CFAP299: variants seen among roughly 807,000 people sequenced by gnomAD.
CFAP299 encodes the protein cilia- and flagella-associated protein 299.
CFAP299 carries 21 observed loss-of-function variants against 27.0 expected under a neutral mutation model. The ratio of observed to expected loss-of-function variants is 0.78; its 90% confidence interval spans 0.55 to 1.12. CFAP299 has a LOEUF of 1.12. Among genes scored for constraint, CFAP299 ranks in the 50% most tolerant of loss-of-function variants. CFAP299 has a pLI of 0.00. For synonymous variants in CFAP299, 104 were observed against 98.1 expected (o/e 1.06, Z -0.36); for missense variants, 310 against 276.6 (o/e 1.12, Z -0.86).
At position 80,506,009 on chromosome 4, in the gene CFAP299, TATAA is replaced by T. The variant is rs576500165; in HGVS notation, c.243-77080_243-77077del. On this transcript the variant is annotated intron_variant, in intron 2 of 5. Transcript: ENST00000358105. ...ACACACGTGTGTGCGTGTAAATATA[TATAA>T]ATATATATATAAAAATAATAACTGG... 3.0e-4 allele frequency among the ~76,000 whole-genome samples: 44 copies of T among 147,400 alleles called. No individual in the cohort carries two copies. The South Asian group carries it at 9.2e-3, about 31-fold the overall frequency.
Position 80,406,034 on chromosome 4 carries a change from T to C in CFAP299, c.242+43150T>C, listed in dbSNP as rs137970438. 5.8e-3 allele frequency among the ~76,000 whole-genome samples: 887 copies of C among 152,260 alleles called. 10 individuals carry two copies. Among genetic ancestry groups the C allele is most frequent in the African/African-American group, 0.02 (842 of 41,554 alleles). On this transcript the variant is annotated intron_variant, in intron 2 of 5. Transcript: ENST00000358105. ...CTACTCCTCAGGATAGATCATGTCA[T>C]GACTGAATAAAACTCCAAAACAAAA...
intron 2 of CFAP299, among the ~76,000 whole-genome samples, chr4:80,564,571 C>T (rs1446995735): frequency 1.3e-5 from 2 of 151,338 alleles, no homozygotes; most frequent in Non-Finnish European, 3.0e-5. Context: ...CAGTTAGGAT[C>T]ATACTAAATG....
At chr4:80,482,230 A>T (rs761800290) in intron 2 of CFAP299, among the ~76,000 whole-genome samples, 6 of 151,804 alleles carry the variant, frequency 4.0e-5, no homozygotes, top group Non-Finnish European at 7.4e-5. Context: ...CATTAAAATC[A>T]GTACTGGCTA....
intron 2 of CFAP299, among the ~76,000 whole-genome samples, chr4:80,402,482 G>C (rs1192740093): frequency 6.6e-6 from 1 of 152,054 alleles, no homozygotes; most frequent in Non-Finnish European, 1.5e-5. Flanking sequence ...CTCATTTTCT[G>C]TTGCCACCAC....
At chr4:80,612,113 T>C (rs1381985998) in intron 3 of CFAP299, among the ~76,000 whole-genome samples, 1 of 151,976 alleles carries the variant, frequency 6.6e-6, no homozygotes, top group Non-Finnish European at 1.5e-5. Flanking sequence ...CTGCAAAGAA[T>C]CCATACAAAC....
At chr4:80,411,867 A>T (rs1007049526) in intron 2 of CFAP299, among the ~76,000 whole-genome samples, 1 of 152,150 alleles carries the variant, frequency 6.6e-6, no homozygotes, top group African/African-American at 2.4e-5. Flanking sequence ...AGTAATAATA[A>T]ATAGCATTTA....
intron 4 of CFAP299, among the ~76,000 whole-genome samples, chr4:80,878,423 A>T (rs777799947): frequency 4.1e-4 from 63 of 152,202 alleles, no homozygotes; most frequent in Middle Eastern, 3.4e-3. Context: ...GAACTTCTCC[A>T]TTACATATTG....
intron 2 of CFAP299, among the ~76,000 whole-genome samples, chr4:80,556,802 A>C (rs988657197): frequency 3.3e-5 from 5 of 152,020 alleles, no homozygotes; most frequent in African/African-American, 1.2e-4. Context: ...TAGAGAGGAA[A>C]CATATTTTCC....
chr4:80,807,051 C>T (rs1728898651), intron 3 of CFAP299, among the ~76,000 whole-genome samples: 1 of 152,090 alleles, frequency 6.6e-6, no homozygotes, highest in Non-Finnish European at 1.5e-5. Flanking sequence ...TGGTGGTTTA[C>T]AGATATAAAG....
chr4:80,840,831 T>A (rs1730822780), intron 3 of CFAP299, among the ~76,000 whole-genome samples: 1 of 152,114 alleles, frequency 6.6e-6, no homozygotes, highest in South Asian at 2.1e-4. Context: ...CCTTTTAGAT[T>A]TTTAGAAGAA....
At chr4:80,602,852 T>C (rs1023817935) in intron 3 of CFAP299, among the ~76,000 whole-genome samples, 3 of 152,104 alleles carry the variant, frequency 2.0e-5, no homozygotes, top group Non-Finnish European at 4.4e-5. Context: ...AAGGCCCTTC[T>C]CTGCTGGAAC....
chr4:80,387,087 AGG>A (rs1725052275), intron 2 of CFAP299: 2 of 1,443,372 alleles, frequency 1.4e-6, no homozygotes, highest in African/African-American at 2.8e-5. Context: ...GGCGGTCTGC[AGG>A]TGATGCTCCA....
Position 80,381,996 on chromosome 4 carries a change from A to G in CFAP299, c.242+19112A>G, listed in dbSNP as rs183866416. ...AATGTGTATATCTTATGACAAAAAG[A>G]TTTTAAAAGATGGAGAGAAAGAAAA... is the stretch of plus-strand genomic sequence containing the variant. On this transcript the variant is annotated intron_variant, in intron 2 of 5. Transcript: ENST00000358105. Among the ~76,000 whole-genome samples the G allele has an allele frequency of 1.3e-4, 20 of 152,344 alleles. No homozygotes were observed. The East Asian group carries it at 3.9e-3, about 29-fold the overall frequency.
intron 3 of CFAP299, among the ~76,000 whole-genome samples, chr4:80,586,652 C>G (rs1298846371): frequency 6.6e-6 from 1 of 152,074 alleles, no homozygotes; most frequent in Non-Finnish European, 1.5e-5. Flanking sequence ...TTATGTAATT[C>G]TTTCTAGTGA....
intron 3 of CFAP299, among the ~76,000 whole-genome samples, chr4:80,603,674 G>GA (rs1397184159): frequency 2.6e-5 from 4 of 152,102 alleles, no homozygotes; most frequent in Admixed American, 1.3e-4. Context: ...TTTTAATTTA[G>GA]AAAAAATTGA....
At chr4:80,871,087 A>G in intron 4 of CFAP299, 1 of 494,414 alleles carries the variant, frequency 2.0e-6, no homozygotes, top group Non-Finnish European at 2.6e-6. Context: ...TTGTATTTTT[A>G]GTAGAGACAG....
At chr4:80,890,985 C>A (rs553591072) in intron 4 of CFAP299, among the ~76,000 whole-genome samples, 1 of 151,878 alleles carries the variant, frequency 6.6e-6, no homozygotes, top group Non-Finnish European at 1.5e-5. Flanking sequence ...GAGTAGGTTG[C>A]GAAAATTCTC....
At chr4:80,438,478 A>G (rs1221929813) in intron 2 of CFAP299, among the ~76,000 whole-genome samples, 3 of 152,130 alleles carry the variant, frequency 2.0e-5, no homozygotes, top group Non-Finnish European at 4.4e-5. Context: ...TATTTCATCT[A>G]TTTGTGAGGA....
the CFAP299 span, among the ~76,000 whole-genome samples, chr4:80,328,893 A>G: frequency 3.3e-5 from 5 of 152,114 alleles, no homozygotes; most frequent in East Asian, 9.7e-4. Context: ...TTTCCTATTG[A>G]TTTCTTAAAA....
Sources: gnomAD v4.1 joint callset for allele counts (sites outside exome capture counted in the v4.1 genomes callset) on GRCh38, gnomAD v4.1.1 for gene constraint, MANE v1.5 for transcripts, NCBI Gene and HGNC (gene_info 2026-07-23, HGNC 2026-07-21) for gene names.